The following RTTN variants were observed in gnomAD, a reference collection of about 807,000 sequenced individuals.
The protein encoded by RTTN is rotatin.
RTTN carries 182 observed loss-of-function variants against 269.2 expected under a neutral mutation model. That is an observed-to-expected ratio of 0.68 (90% CI 0.60 to 0.76). The LOEUF (loss-of-function observed/expected upper bound fraction) is 0.76, where lower values mean the gene tolerates loss of function less well. RTTN is among the 30% of genes least tolerant of loss of function. The probability of loss-of-function intolerance (pLI) is 0.00; values close to 1 mark genes in which losing one functional copy is unlikely to be tolerated. For missense variants in RTTN, 2,545 were observed against 2,608.6 expected, an observed-to-expected ratio of 0.98 and a Z score of 0.53; for synonymous variants, 1,006 against 963.5, an observed-to-expected ratio of 1.04 and a Z score of -0.82.
intron 28 of RTTN, among the ~76,000 whole-genome samples, chr18:70,102,220 T>C (rs1174234037): frequency 6.6e-6 from 1 of 152,202 alleles, no homozygotes; most frequent in Non-Finnish European, 1.5e-5. Context: ...CAAGTCTCTT[T>C]GTAGGTCTCT....
intron 28 of RTTN, among the ~76,000 whole-genome samples, chr18:70,100,960 G>T (rs953969292): frequency 6.6e-6 from 1 of 152,184 alleles, no homozygotes; most frequent in African/African-American, 2.4e-5. Flanking sequence ...TTTTTCATGT[G>T]CTGCTGGATT....
At chr18:70,121,519 C>A in intron 26 of RTTN, 37 bp downstream of exon 26, 1 of 1,475,086 alleles carries the variant, frequency 6.8e-7, no homozygotes, top group South Asian at 1.4e-5. Context: ...TAAGTTATTT[C>A]CCAAACTTAA....
intron 40 of RTTN, among the ~76,000 whole-genome samples, chr18:70,039,512 G>T (rs2057277752): frequency 6.6e-6 from 1 of 152,018 alleles, no homozygotes; most frequent in Non-Finnish European, 1.5e-5. Flanking sequence ...ACAAACAAAA[G>T]CTGAAGGATT....
intron 12 of RTTN, among the ~76,000 whole-genome samples, 174 bp from the exon 13 acceptor site, chr18:70,167,205 A>T (rs2061010315): frequency 6.6e-6 from 1 of 152,210 alleles, no homozygotes. Context: ...GAGGTGGAGA[A>T]ATGTAGGAAA....
intron 20 of RTTN, 147 bp downstream of exon 20, chr18:70,139,953 G>C (rs1450556662): frequency 1.5e-6 from 1 of 666,464 alleles, no homozygotes; most frequent in South Asian, 1.9e-5. Flanking sequence ...TCCACTTTTC[G>C]AATTTAAAAA....
At chr18:70,069,256 A>G (rs2058231968) in intron 34 of RTTN, among the ~76,000 whole-genome samples, 1 of 152,194 alleles carries the variant, frequency 6.6e-6, no homozygotes, top group African/African-American at 2.4e-5. Flanking sequence ...AACTAATTTG[A>G]CTGTGGTAAT....
At chr18:70,055,986 TC>T (rs991394971) in intron 37 of RTTN, among the ~76,000 whole-genome samples, 3 of 152,178 alleles carry the variant, frequency 2.0e-5, no homozygotes, top group African/African-American at 7.2e-5. Context: ...AGTGTCACCT[TC>T]AGGAGGCCCC....
rs1371468828 is a variant in RTTN, at chr18:70,135,203, C to T, written c.2866G>A (p.Val956Ile). Residue 956 changes from valine to isoleucine, a missense_variant, in exon 22 of 49, where the codon GTA becomes ATA. Transcript: ENST00000640769. Reference protein sequence around the residue: ...ALFCLLLFDEVSRMDMWSVNP... With the variant: ...ALFCLLLFDEISRMDMWSVNP... Reference sequence around the variant, plus strand: ...TCTCACCACATATCCATTCTCGATACTTCATCAAATAATAGAAGACAAAAT... The same window carrying T: ...TCTCACCACATATCCATTCTCGATATTTCATCAAATAATAGAAGACAAAAT... The T allele has an allele frequency of 6.5e-7, 1 of 1,538,910 alleles. No homozygotes were observed. The highest frequency in any genetic ancestry group is 8.7e-7 in the Non-Finnish European group (1 of 1,148,070).
intron 3 of RTTN, among the ~76,000 whole-genome samples, chr18:70,203,843 G>T (rs2062013373): frequency 6.6e-6 from 1 of 152,074 alleles, no homozygotes; most frequent in Non-Finnish European, 1.5e-5. Context: ...TGTCAAACTG[G>T]CCTCATAAAA....
At chr18:70,045,748 C>G (rs953119037) in intron 40 of RTTN, among the ~76,000 whole-genome samples, 2 of 152,114 alleles carry the variant, frequency 1.3e-5, no homozygotes, top group Non-Finnish European at 1.5e-5. Flanking sequence ...TAACAGATGT[C>G]ATGTATCCAA....
rs769863751 is a variant in RTTN at position 70,059,839 on chromosome 18, T to C, written c.4940+11A>G. ...AACTAACATGCCTCTCTAGGAGTAT[T>C]TATCTCTTACCTACAGAGAAGTTCT... On this transcript the variant is annotated intron_variant, in intron 36 of 48. Coordinates refer to ENST00000640769, the MANE Select transcript of RTTN (RefSeq NM_173630.4). The C allele has an allele frequency of 1.3e-6, 2 of 1,566,610 alleles. No homozygotes were observed. The highest frequency in any genetic ancestry group is 1.2e-5 in the South Asian group (1 of 84,266).
intron 25 of RTTN, among the ~76,000 whole-genome samples, chr18:70,127,020 C>G (rs2059882095): frequency 6.6e-6 from 1 of 152,130 alleles, no homozygotes; most frequent in Non-Finnish European, 1.5e-5. Context: ...AATTGACAAG[C>G]TAGAGCCTTC....
At chr18:70,191,663 C>A (rs2061674681) in intron 8 of RTTN, among the ~76,000 whole-genome samples, 1 of 152,162 alleles carries the variant, frequency 6.6e-6, no homozygotes, top group African/African-American at 2.4e-5. Flanking sequence ...CTCACACTTA[C>A]AAAGAGCCTC....
Position 70,193,282 on chromosome 18 carries a change from A to G in RTTN, c.1007+6T>C, listed in dbSNP as rs2061724788. The G allele has an allele frequency of 6.2e-7, 1 of 1,607,584 alleles. No individual in the cohort carries two copies. The highest frequency in any genetic ancestry group is 1.1e-5 in the South Asian group (1 of 90,426). ...TCATTTCCCCAGAGACACTGCTAGC[A>G]GTCACCTAGAGGACGCTGCATCCCA... On this transcript the variant is annotated splice_donor_region_variant and intron_variant, in intron 8 of 48. Transcript: ENST00000640769.
chr18:70,137,915 C>G (rs2060162159), intron 21 of RTTN, among the ~76,000 whole-genome samples: 1 of 152,178 alleles, frequency 6.6e-6, no homozygotes, highest in Admixed American at 6.6e-5. Flanking sequence ...AGCATTGCAC[C>G]TAGCACAAAG....
chr18:70,073,172 A>C (rs886962004), intron 34 of RTTN, among the ~76,000 whole-genome samples: 4 of 152,164 alleles, frequency 2.6e-5, no homozygotes, highest in African/African-American at 4.8e-5. Context: ...TTTAAAATTA[A>C]AAGTAACATT....
At chr18:70,050,456 C>A (rs1036768203) in intron 39 of RTTN, among the ~76,000 whole-genome samples, 1 of 152,198 alleles carries the variant, frequency 6.6e-6, no homozygotes, top group African/African-American at 2.4e-5. Flanking sequence ...AAAATGGGAA[C>A]ACTTTTACAC....
rs35759421 is a variant in RTTN, at chr18:70,193,176, CA to C, written c.1007+111del. On this transcript the variant is annotated intron_variant, in intron 8 of 48. Coordinates refer to ENST00000640769, the MANE Select transcript of RTTN (RefSeq NM_173630.4). ...AAGGCCTATACCTGTGTTAATGTTT[CA>C]AAAAAAAAAAAAAAAAAAAGGACAG... The C allele has an allele frequency of 0.22, 141,888 of 650,108 alleles. 1,268 individuals are homozygous for C. Among genetic ancestry groups the C allele is most frequent in the African/African-American group, 0.37 (13,446 of 36,462 alleles). 40.3% of individuals were successfully genotyped at this position (650,108 alleles called of 1,614,324 possible). A position where few individuals can be genotyped will look rare whatever the true frequency, so the allele number is the denominator to read the frequency against.
intron 46 of RTTN, among the ~76,000 whole-genome samples, chr18:70,009,800 G>A (rs113082757): frequency 0.039 from 5,975 of 152,146 alleles, 211 homozygotes; most frequent in African/African-American, 0.095. Context: ...TGGATGAAGC[G>A]TCAAGACCCA....
Sources: allele counts gnomAD v4.1 joint callset (sites outside exome capture counted in the v4.1 genomes callset), GRCh38; gene constraint gnomAD v4.1.1; transcripts MANE v1.5; gene names NCBI Gene and HGNC (gene_info 2026-07-23, HGNC 2026-07-21).